SLC12A2: variants seen among roughly 807,000 people sequenced by gnomAD.
SLC12A2 encodes the protein Na-K-2Cl cotransporter 1.
In SLC12A2, 67 loss-of-function variants were observed where a neutral mutation model predicts 136.3. That is an observed-to-expected ratio of 0.49 (90% CI 0.40 to 0.60). The LOEUF (loss-of-function observed/expected upper bound fraction) is 0.60, where lower values mean the gene tolerates loss of function less well. Among genes scored for constraint, SLC12A2 ranks in the 20% least tolerant of loss-of-function variants. SLC12A2 has a pLI of 0.00. For missense variants in SLC12A2, 1,322 were observed against 1,534.7 expected, an observed-to-expected ratio of 0.86 and a Z score of 2.32; for synonymous variants, 619 against 562.9, an observed-to-expected ratio of 1.10 and a Z score of -1.41.
intron 4 of SLC12A2, among the ~76,000 whole-genome samples, chr5:128,124,772 G>T (rs1273073817): frequency 6.6e-6 from 1 of 151,642 alleles, no homozygotes; most frequent in African/African-American, 2.4e-5. Flanking sequence ...CTCCCCTAAG[G>T]TGTGAGGGGT....
At chr5:128,125,703 T>A (rs1322727609) in intron 4 of SLC12A2, among the ~76,000 whole-genome samples, 3 of 152,166 alleles carry the variant, frequency 2.0e-5, no homozygotes, top group African/African-American at 7.2e-5. Context: ...AGTGCTTTGT[T>A]CATGGTAGAA....
At chr5:128,137,012 A>C (rs1762210839) in intron 7 of SLC12A2, among the ~76,000 whole-genome samples, 1 of 152,008 alleles carries the variant, frequency 6.6e-6, no homozygotes, top group Non-Finnish European at 1.5e-5. Flanking sequence ...ATCCTTTCCT[A>C]ATCAGTGTAT....
intron 23 of SLC12A2, 67 bp from the exon 24 acceptor site, chr5:128,182,788 A>G (rs1479687377): frequency 1.9e-6 from 2 of 1,055,582 alleles, no homozygotes; most frequent in African/African-American, 1.6e-5. Flanking sequence ...TGCTTTTTAG[A>G]TATATGGATT....
chr5:128,149,175 A>G (rs947949658), intron 12 of SLC12A2, among the ~76,000 whole-genome samples: 6 of 151,802 alleles, frequency 4.0e-5, no homozygotes, highest in East Asian at 1.9e-4. Context: ...TTGATGATCT[A>G]TTTTTTTGGC....
Position 128,182,682 on chromosome 5 carries a change from C to G in SLC12A2, c.3213-173C>G, listed in dbSNP as rs17164291. On this transcript the variant is annotated intron_variant, in intron 23 of 26. Coordinates refer to ENST00000262461, the MANE Select transcript of SLC12A2 (RefSeq NM_001046.3). Reference sequence around the variant, plus strand: ...CAGTGATTACTCAGAAAGTAAAGTACTCAGTGAATTTAAGTCTACTTTGTG... The same window carrying G: ...CAGTGATTACTCAGAAAGTAAAGTAGTCAGTGAATTTAAGTCTACTTTGTG... 6.5e-3 allele frequency among the ~76,000 whole-genome samples: 994 copies of G among 152,080 alleles called. 14 individuals carry two copies. The highest frequency in any genetic ancestry group is 0.022 in the African/African-American group (932 of 41,522).
intron 4 of SLC12A2, among the ~76,000 whole-genome samples, chr5:128,120,705 G>T (rs530336239): frequency 6.6e-6 from 1 of 151,676 alleles, no homozygotes; most frequent in Non-Finnish European, 1.5e-5. Flanking sequence ...TCTGGGGACT[G>T]TTGTGGGGTG....
At chr5:128,097,959 G>T (rs1459347749) in intron 1 of SLC12A2, among the ~76,000 whole-genome samples, 1 of 151,942 alleles carries the variant, frequency 6.6e-6, no homozygotes, top group Non-Finnish European at 1.5e-5. Context: ...GCTGGATATA[G>T]AATTCTTAGT....
intron 18 of SLC12A2, 133 bp downstream of exon 18, chr5:128,168,000 A>G (rs937283123): frequency 1.8e-6 from 1 of 557,382 alleles, no homozygotes; most frequent in Admixed American, 3.5e-5. Flanking sequence ...GAATCACACA[A>G]AGCATCTGGG....
intron 4 of SLC12A2, among the ~76,000 whole-genome samples, chr5:128,122,336 T>TA (rs1761614771): frequency 6.6e-6 from 1 of 152,206 alleles, no homozygotes; most frequent in East Asian, 1.9e-4. Context: ...CACTGGGTTT[T>TA]TAACAGTGAA....
Position 128,084,169 on chromosome 5 carries a change from T to C in SLC12A2, c.215T>C (p.Leu72Ser), listed in dbSNP as rs1178082364. 2 of 1,296,766 alleles carry C rather than the reference T, an allele frequency of 1.5e-6. No homozygotes were observed. The highest frequency in any genetic ancestry group is 1.9e-6 in the Non-Finnish European group (2 of 1,030,526). 80.3% of individuals were successfully genotyped at this position (1,296,766 alleles called of 1,614,324 possible). A position where few individuals can be genotyped will look rare whatever the true frequency, so the allele number is the denominator to read the frequency against. The change falls in exon 1 of 27, where the codon TTG becomes TCG. Residue 72 changes from leucine (L) to serine (S), a missense_variant. Leu to Ser is a moderately radical substitution (Grantham distance 145). Around this residue, in one of 8 missense-constraint regions of SLC12A2, gnomAD observed 358 missense variants for 299.7 expected, o/e 1.19. Coordinates refer to ENST00000262461, the MANE Select transcript of SLC12A2 (RefSeq NM_001046.3). This position sits in a 1 kb window ranked among gnomAD's most constrained non-coding sequence, Gnocchi z 5.6. ...GCCGGGGACGGGCTGGGCAGACCCT[T>C]GGGGCCCACCCCGAGCCAGAGCCGT... ...AAAGDGLGRPLGPTPSQSRFQ... is the reference protein window; with the variant it reads ...AAAGDGLGRPSGPTPSQSRFQ...
intron 4 of SLC12A2, among the ~76,000 whole-genome samples, chr5:128,115,048 C>G (rs558742790): frequency 6.6e-6 from 1 of 152,262 alleles, no homozygotes; most frequent in South Asian, 2.1e-4. Flanking sequence ...ACCTCCATCC[C>G]CTATTGAGGA....
intron 10 of SLC12A2, 129 bp downstream of exon 10, chr5:128,142,110 A>C: frequency 1.2e-6 from 1 of 824,600 alleles, no homozygotes; most frequent in South Asian, 2.1e-5. Flanking sequence ...TTTAATTTTT[A>C]ATTTTTTCTT....
chr5:128,179,671 CT>C (rs1202950379), intron 22 of SLC12A2, among the ~76,000 whole-genome samples: 2 of 152,012 alleles, frequency 1.3e-5, no homozygotes, highest in Non-Finnish European at 2.9e-5. Flanking sequence ...ATGCCACACA[CT>C]TTTAAATCAC....
chr5:128,148,445 T>C (rs1195070047), intron 11 of SLC12A2, among the ~76,000 whole-genome samples: 1 of 151,870 alleles, frequency 6.6e-6, no homozygotes, highest in Non-Finnish European at 1.5e-5. Flanking sequence ...GTCACAACTA[T>C]GTCATATTTA....
chr5:128,090,010 A>G (rs1017737228), intron 1 of SLC12A2, among the ~76,000 whole-genome samples: 1 of 152,196 alleles, frequency 6.6e-6, no homozygotes, highest in Non-Finnish European at 1.5e-5. Context: ...TACATGTGGC[A>G]AAGTCAAATT....
chr5:128,184,539 TAATAA>T, intron 25 of SLC12A2, 38 bp downstream of exon 25: 11 of 1,503,608 alleles, frequency 7.3e-6, no homozygotes, highest in Non-Finnish European at 9.0e-6. Context: ...ATCTTTTATA[TAATAA>T]AAGACATGAA....
chr5:128,141,919 A>G lies in SLC12A2; in HGVS notation c.1711A>G (p.Asn571Asp). ...TNCTSAACKL[N>D]FDFSSCESSP... ...CTGTACTTCTGCAGCCTGCAAATTA[A>G]ACTTTGATTTTTCATCTTGTGAAAG... The change falls in exon 10 of 27, where the codon AAC becomes GAC. Residue 571 changes from asparagine to aspartate, a missense_variant. Physicochemically the swap from Asn to Asp is conservative, Grantham distance 23 (BLOSUM62 1). Coordinates refer to ENST00000262461, the MANE Select transcript of SLC12A2 (RefSeq NM_001046.3). The G allele has an allele frequency of 1.9e-6, 3 of 1,614,000 alleles. No homozygotes were observed. The highest frequency in any genetic ancestry group is 2.5e-6 in the Non-Finnish European group (3 of 1,179,936).
At chr5:128,171,581 T>A in intron 18 of SLC12A2, 86 bp from the exon 19 acceptor site, 1 of 790,604 alleles carries the variant, frequency 1.3e-6, no homozygotes, top group South Asian at 1.6e-5. Flanking sequence ...ATTTTAGAGA[T>A]CATCTATTAT....
At chr5:128,131,722 A>G (rs951985839) in intron 5 of SLC12A2, among the ~76,000 whole-genome samples, 1 of 147,540 alleles carries the variant, frequency 6.8e-6, no homozygotes, top group Non-Finnish European at 1.5e-5. Flanking sequence ...AAAGAAAAGT[A>G]CAGCCGGGCG....
Sources: gnomAD v4.1 joint callset for allele counts (sites outside exome capture counted in the v4.1 genomes callset) on GRCh38, gnomAD v4.1.1 for gene constraint, gnomAD v4.1.1 regional missense constraint, Gnocchi (gnomAD v3.1) non-coding constraint, MANE v1.5 for transcripts, NCBI Gene and HGNC (gene_info 2026-07-23, HGNC 2026-07-21) for gene names.